Variants in POC1A observed in about 807,000 individuals in gnomAD.
POC1A encodes POC1 centriolar protein homolog A.
Under a neutral mutation model 47.8 loss-of-function variants are expected in POC1A, and 34 were observed. The observed-to-expected ratio is 0.71, with a 90% CI of 0.54 to 0.95. The LOEUF (loss-of-function observed/expected upper bound fraction) is 0.95, where lower values mean the gene tolerates loss of function less well. POC1A is among the 40% of genes least tolerant of loss of function. The pLI is 0.00. For synonymous variants in POC1A, 177 were observed against 207.6 expected, an observed-to-expected ratio of 0.85 and a Z score of 1.27; for missense variants, 466 against 528.3, an observed-to-expected ratio of 0.88 and a Z score of 1.16.
intron 7 of POC1A, among the ~76,000 whole-genome samples, chr3:52,125,401 C>A (rs1443382565): frequency 1.3e-5 from 2 of 152,184 alleles, no homozygotes; most frequent in African/African-American, 2.4e-5. Context: ...ACAACAGGGA[C>A]AAGTCCAGGC....
chr3:52,088,661 C>T (rs1180369746), intron 10 of POC1A, among the ~76,000 whole-genome samples: 2 of 152,142 alleles, frequency 1.3e-5, no homozygotes, highest in East Asian at 3.9e-4. Context: ...CCTGTCATAA[C>T]ACAGGCCCCT....
Position 52,154,338 on chromosome 3 carries a change from C to A in POC1A, c.18+17G>T. On this transcript the variant is annotated intron_variant, in intron 1 of 10. Transcript: ENST00000296484. ...GGGGAGACTGAGGCCTGGGGAGTTG[C>A]TCTCGGCTGGGCTTACCGCGCAGGG... The A allele has an allele frequency of 6.4e-7, 1 of 1,561,418 alleles. No homozygotes were observed. Among genetic ancestry groups the A allele is most frequent in the African/African-American group, 1.4e-5 (1 of 71,400 alleles).
intron 10 of POC1A, among the ~76,000 whole-genome samples, chr3:52,080,713 C>G (rs1702253157): frequency 6.6e-6 from 1 of 152,276 alleles, no homozygotes; most frequent in Non-Finnish European, 1.5e-5. Flanking sequence ...ACTGTCAACG[C>G]TTCTTTCACT....
intron 3 of POC1A, 133 bp from the exon 4 acceptor site, chr3:52,149,522 A>G (rs1206513151): frequency 8.7e-5 from 67 of 768,622 alleles, no homozygotes; most frequent in Middle Eastern, 2.7e-4. Flanking sequence ...AGTCTCCACA[A>G]GGGAAAGCCA....
chr3:52,128,476 T>C (rs1184091485), intron 7 of POC1A, among the ~76,000 whole-genome samples: 1 of 151,178 alleles, frequency 6.6e-6, no homozygotes, highest in East Asian at 1.9e-4. Flanking sequence ...CAGTGCCTGT[T>C]TACCAAGAGG....
intron 10 of POC1A, among the ~76,000 whole-genome samples, chr3:52,087,506 G>T (rs1035897750): frequency 2.6e-5 from 4 of 152,104 alleles, no homozygotes; most frequent in African/African-American, 9.7e-5. Context: ...TTATCTCAGG[G>T]ATATAGGATT....
intron 3 of POC1A, 92 bp from the exon 4 acceptor site, chr3:52,149,481 C>A: frequency 8.1e-7 from 1 of 1,236,812 alleles, no homozygotes; most frequent in Non-Finnish European, 1.2e-6. Flanking sequence ...CTCAAGCACC[C>A]CTCCCAAAGT....
intron 7 of POC1A, among the ~76,000 whole-genome samples, chr3:52,136,449 A>C (rs1429171371): frequency 6.6e-6 from 1 of 152,198 alleles, no homozygotes; most frequent in Non-Finnish European, 1.5e-5. Flanking sequence ...CAGGCCAGGA[A>C]GCCCAGGAAG....
intron 9 of POC1A, among the ~76,000 whole-genome samples, chr3:52,104,505 TGTG>T (rs1402256282): frequency 6.6e-6 from 1 of 152,174 alleles, no homozygotes; most frequent in African/African-American, 2.4e-5. Context: ...ACAAAAAACA[TGTG>T]GTTACAACTA....
At chr3:52,153,181 A>G (rs1361657413) in intron 1 of POC1A, among the ~76,000 whole-genome samples, 1 of 152,260 alleles carries the variant, frequency 6.6e-6, no homozygotes, top group Non-Finnish European at 1.5e-5. Flanking sequence ...GAATAACTTA[A>G]TAAAGTTAAA....
chr3:52,082,872 T>C (rs1208111898), intron 10 of POC1A, among the ~76,000 whole-genome samples: 1 of 152,078 alleles, frequency 6.6e-6, no homozygotes, highest in African/African-American at 2.4e-5. Flanking sequence ...ATACCCCCAG[T>C]CTGCACCTCA....
At chr3:52,148,539 T>G (rs1442993902) in intron 4 of POC1A, among the ~76,000 whole-genome samples, 2 of 152,230 alleles carry the variant, frequency 1.3e-5, no homozygotes, top group Admixed American at 1.3e-4. Flanking sequence ...TGTCTGCAAT[T>G]CTTGGACCTT....
Position 52,149,974 on chromosome 3 carries a change from CATGG to C in POC1A, c.113_116del (p.Ser38TrpfsTer10). 2 of 1,613,314 alleles carry C rather than the reference CATGG, an allele frequency of 1.2e-6. No homozygotes were observed. The highest frequency in any genetic ancestry group is 2.7e-5 in the African/African-American group (2 of 75,042). On this transcript the variant is annotated frameshift_variant, in exon 3 of 11. Transcript: ENST00000296484. LOFTEE classifies it high-confidence loss of function. ...TGTGCCAGACCATGAGGCATGAGTC[CATGG>C]AGCCACTGGCTGAGGACAGTGGGTG...
chr3:52,084,662 C>T lies in POC1A; in HGVS notation c.1126-8677G>A, dbSNP rs1003885771. On this transcript the variant is annotated intron_variant, in intron 10 of 10. Coordinates refer to ENST00000296484, the MANE Select transcript of POC1A (RefSeq NM_015426.5). The surrounding 1 kb of genome is among the most constrained non-coding windows in gnomAD (Gnocchi z 4.3). ...CTCGAGGCTTCCCCAGTCCATCCCC[C>T]TGCCCCCCCAGCTCTGGGGCAGCCC... Among the ~76,000 whole-genome samples, 2 of 152,346 alleles carry T rather than the reference C, an allele frequency of 1.3e-5. No homozygotes were observed. The highest frequency in any genetic ancestry group is 4.1e-4 in the South Asian group (2 of 4,832).
At chr3:52,142,790 C>A (rs1298728655) in intron 6 of POC1A, among the ~76,000 whole-genome samples, 2 of 152,132 alleles carry the variant, frequency 1.3e-5, no homozygotes, top group African/African-American at 4.8e-5. Flanking sequence ...GGGGAATGAG[C>A]CTCCAAAGAG....
chr3:52,113,296 C>T (rs1703445526), intron 9 of POC1A, among the ~76,000 whole-genome samples: 1 of 152,070 alleles, frequency 6.6e-6, no homozygotes. Flanking sequence ...CCTGGGTGGC[C>T]CCACTTCCAG....
At chr3:52,154,007 G>T (rs1379690198) in intron 1 of POC1A, among the ~76,000 whole-genome samples, 1 of 152,250 alleles carries the variant, frequency 6.6e-6, no homozygotes, top group African/African-American at 2.4e-5. Flanking sequence ...AAGACCCCAC[G>T]CAGCCACCCA....
In POC1A at chr3:52,114,341, AG is replaced by A. The variant is rs1245101600; in HGVS notation, c.981+8037del. On this transcript the variant is annotated intron_variant, in intron 9 of 10. Transcript: ENST00000296484. Reference sequence around the variant, plus strand: ...CCCATGTAAACCGGAGACGCCCCACAGAACTGGAACAACAGGGTCTGCAGGG... The same window carrying A: ...CCCATGTAAACCGGAGACGCCCCACAAACTGGAACAACAGGGTCTGCAGGG... Among the ~76,000 whole-genome samples the A allele has an allele frequency of 2.0e-5, 3 of 152,352 alleles. No homozygotes were observed. In the East Asian group the frequency reaches 5.8e-4, roughly 29 times the overall value.
intron 8 of POC1A, among the ~76,000 whole-genome samples, chr3:52,124,699 C>T (rs978945136): frequency 6.6e-6 from 1 of 152,090 alleles, no homozygotes; most frequent in Non-Finnish European, 1.5e-5. Flanking sequence ...GGAGATGTCA[C>T]GAGAATTAAA....
Sources: gnomAD v4.1 joint callset for allele counts (sites outside exome capture counted in the v4.1 genomes callset) on GRCh38, gnomAD v4.1.1 for gene constraint, Gnocchi (gnomAD v3.1) non-coding constraint, MANE v1.5 for transcripts, NCBI Gene and HGNC (gene_info 2026-07-23, HGNC 2026-07-21) for gene names.